ZNF423: variants seen among roughly 807,000 people sequenced by gnomAD.
The protein encoded by ZNF423 is zinc finger protein 423.
Under a neutral mutation model 95.8 loss-of-function variants are expected in ZNF423, and 12 were observed. The ratio of observed to expected loss-of-function variants is 0.13; its 90% confidence interval spans 0.08 to 0.20. The LOEUF is 0.20. Among genes scored for constraint, ZNF423 ranks in the 10% least tolerant of loss-of-function variants. The pLI is 1.00. For synonymous variants in ZNF423, 749 were observed against 711.9 expected (o/e 1.05, Z -0.83); for missense variants, 1,316 against 1,737.1 (o/e 0.76, Z 4.31).
chr16:49,531,374 T>C (rs1032358823), intron 5 of ZNF423, among the ~76,000 whole-genome samples: 3 of 151,770 alleles, frequency 2.0e-5, no homozygotes, highest in African/African-American at 7.3e-5. Context: ...AGAGGAAGCA[T>C]GGGAGCAAAG....
chr16:49,786,427 A>G (rs952194878), intron 2 of ZNF423, among the ~76,000 whole-genome samples: 6 of 152,240 alleles, frequency 3.9e-5, no homozygotes, highest in Non-Finnish European at 8.8e-5. Context: ...AAGGCGCATG[A>G]AAAGCTTGCG....
rs923832087 is a variant in ZNF423, at chr16:49,490,952, A to C, written c.*323T>G. The C allele has an allele frequency of 6.8e-6, 2 of 293,848 alleles. No homozygotes were observed. Among genetic ancestry groups the C allele is most frequent in the Admixed American group, 4.8e-5 (1 of 20,968 alleles). 18.2% of individuals were successfully genotyped at this position (293,848 alleles called of 1,614,324 possible). A position where few individuals can be genotyped will look rare whatever the true frequency, so the allele number is the denominator to read the frequency against. On this transcript the variant is annotated 3_prime_UTR_variant, in exon 8 of 8. Transcript: ENST00000563137. ...TCACACTAATTCTTTTTTAAAAACT[A>C]TCAATATAATACATGAAGGAACAAA...
At chr16:49,809,375 A>G (rs996615860) in intron 1 of ZNF423, among the ~76,000 whole-genome samples, 1 of 152,194 alleles carries the variant, frequency 6.6e-6, no homozygotes, top group Non-Finnish European at 1.5e-5. Flanking sequence ...CAGTGGTCCC[A>G]TGCTCTGTGT....
chr16:49,503,554 C>T (rs967917470), intron 7 of ZNF423, among the ~76,000 whole-genome samples: 3 of 152,190 alleles, frequency 2.0e-5, no homozygotes, highest in African/African-American at 7.2e-5. Flanking sequence ...TTTCCTGGGG[C>T]TTCTCCACAT....
intron 2 of ZNF423, among the ~76,000 whole-genome samples, chr16:49,775,872 T>G (rs1243140989): frequency 7.2e-5 from 11 of 152,264 alleles, no homozygotes; most frequent in Non-Finnish European, 1.6e-4. Flanking sequence ...CGTGTCTTTT[T>G]GGTCTGCAGG....
intron 1 of ZNF423, among the ~76,000 whole-genome samples, chr16:49,814,016 G>C (rs1384839277): frequency 6.6e-6 from 1 of 152,324 alleles, no homozygotes; most frequent in African/African-American, 2.4e-5. Flanking sequence ...AGGATTTGCC[G>C]AACTCCCACT....
chr16:49,555,443 G>T (rs1156915397), intron 5 of ZNF423, among the ~76,000 whole-genome samples: 3 of 152,212 alleles, frequency 2.0e-5, no homozygotes, highest in African/African-American at 7.2e-5. Context: ...TTTTGACAAT[G>T]AGCTTCTGTT....
At chr16:49,774,513 G>A (rs979953113) in intron 2 of ZNF423, among the ~76,000 whole-genome samples, 11 of 152,212 alleles carry the variant, frequency 7.2e-5, no homozygotes, top group South Asian at 2.1e-4. Context: ...GTGATCGTGC[G>A]TGCATGCAGG....
At chr16:49,592,450 A>AC (rs58726183) in intron 5 of ZNF423, among the ~76,000 whole-genome samples, 66,431 of 152,098 alleles carry the variant, frequency 0.44, 15,535 homozygotes, top group East Asian at 0.62. Flanking sequence ...CAAATAAAGC[A>AC]TAAAATGCAG....
Position 49,651,464 on chromosome 16 carries a change from C to T in ZNF423, c.302-12590G>A, listed in dbSNP as rs1476966506. Among the ~76,000 whole-genome samples, 4 of 152,268 alleles carry T rather than the reference C, an allele frequency of 2.6e-5. No homozygotes were observed. The East Asian group carries it at 7.7e-4, about 29-fold the overall frequency. On this transcript the variant is annotated intron_variant, in intron 3 of 7. Transcript: ENST00000563137. ...GCATGCCCAGCACCCCAGGACTTCC[C>T]TCACCATTAGGGGGTGTCCCGGGCC...
Position 49,636,329 on chromosome 16 carries a change from C to T in ZNF423, c.2847G>A (p.Ser949=), listed in dbSNP as rs147447763. 1.1e-4 allele frequency: 170 copies of T among 1,612,706 alleles called. No homozygotes were observed. The African/African-American group carries it at 1.6e-3, about 15-fold the overall frequency. The change falls in exon 4 of 8, where the codon TCG becomes TCA. Residue 949 remains serine (S), a synonymous_variant. Transcript: ENST00000563137. This position sits in a 1 kb window ranked among gnomAD's most constrained non-coding sequence, Gnocchi z 8.6. Reference sequence around the variant, plus strand: ...GCAGGTGCTCCCGTAGCCCGTTCTCCGAGAAGAAAGTCCGTGAACAAACGT... The same window carrying T: ...GCAGGTGCTCCCGTAGCCCGTTCTCTGAGAAGAAAGTCCGTGAACAAACGT... The part of the protein sequence containing the change: ...KCNVCSRTFF[S]ENGLREHLQT...
intron 1 of ZNF423, among the ~76,000 whole-genome samples, chr16:49,793,606 G>A (rs2034450273): frequency 6.6e-6 from 1 of 152,202 alleles, no homozygotes; most frequent in African/African-American, 2.4e-5. Flanking sequence ...CATTTGTAAG[G>A]TAGGTGGGTG....
chr16:49,758,554 C>T (rs2143621762), intron 2 of ZNF423, among the ~76,000 whole-genome samples: 1 of 152,200 alleles, frequency 6.6e-6, no homozygotes, highest in African/African-American at 2.4e-5. Context: ...CCAACCTGAA[C>T]CACATAGTAA....
intron 1 of ZNF423, among the ~76,000 whole-genome samples, chr16:49,835,611 T>A (rs1023786904): frequency 6.6e-6 from 1 of 152,036 alleles, no homozygotes; most frequent in African/African-American, 2.4e-5. Context: ...GACCCAATCA[T>A]CAGCTTCTCT....
At chr16:49,714,323 A>G (rs1330363890) in intron 3 of ZNF423, among the ~76,000 whole-genome samples, 3 of 152,080 alleles carry the variant, frequency 2.0e-5, no homozygotes, top group African/African-American at 7.2e-5. Context: ...GCTATATTTC[A>G]ACACGCAGCC....
intron 5 of ZNF423, among the ~76,000 whole-genome samples, chr16:49,527,210 G>GCACACACAGGTGGGCCTGC (rs1555504210): frequency 5.5e-4 from 84 of 152,260 alleles, no homozygotes; most frequent in Non-Finnish European, 9.9e-4. Context: ...GCCCCACATA[G>GCACACACAGGTGGGCCTGC]CCCACTGGCT....
At chr16:49,521,501 C>T (rs546879236) in intron 7 of ZNF423, among the ~76,000 whole-genome samples, 2 of 152,256 alleles carry the variant, frequency 1.3e-5, no homozygotes, top group African/African-American at 4.8e-5. Context: ...GGCATCAACG[C>T]CTAGCTGTCG....
chr16:49,642,187 A>G (rs1351739440), intron 3 of ZNF423, among the ~76,000 whole-genome samples: 4 of 152,188 alleles, frequency 2.6e-5, no homozygotes, highest in Non-Finnish European at 5.9e-5. Context: ...CACAACAACC[A>G]TATCTGGCTG....
intron 2 of ZNF423, among the ~76,000 whole-genome samples, chr16:49,750,093 G>A (rs2033605939): frequency 6.6e-6 from 1 of 152,228 alleles, no homozygotes; most frequent in South Asian, 2.1e-4. Context: ...ACTCACACCT[G>A]TGCAGGCAAG....
Sources: gnomAD v4.1 joint callset for allele counts (sites outside exome capture counted in the v4.1 genomes callset) on GRCh38, gnomAD v4.1.1 for gene constraint, Gnocchi (gnomAD v3.1) non-coding constraint, MANE v1.5 for transcripts, NCBI Gene and HGNC (gene_info 2026-07-23, HGNC 2026-07-21) for gene names.